NALF1: variants seen among roughly 807,000 people sequenced by gnomAD.
The protein encoded by NALF1 is NALCN channel auxiliary factor 1, also known as family with sequence similarity 155 member A.
NALF1 carries 3 observed loss-of-function variants against 48.4 expected under a neutral mutation model. The ratio of observed to expected loss-of-function variants is 0.06; its 90% CI spans 0.03 to 0.16. The LOEUF (loss-of-function observed/expected upper bound fraction) is 0.16. Ranked by LOEUF, NALF1 falls within the 10% of genes least tolerant of loss-of-function variation. The pLI is 1.00. For synonymous variants in NALF1, 262 were observed against 245.7 expected (o/e 1.07, Z -0.62); for missense variants, 526 against 571.5 (o/e 0.92, Z 0.81).
chr13:107,479,540 A>C (rs1885222171), intron 1 of NALF1, among the ~76,000 whole-genome samples: 1 of 152,130 alleles, frequency 6.6e-6, no homozygotes, highest in South Asian at 2.1e-4. Flanking sequence ...ATCCACCTTC[A>C]TAATTGTGAC....
At chr13:107,626,992 C>A (rs1879691323) in intron 1 of NALF1, among the ~76,000 whole-genome samples, 1 of 152,080 alleles carries the variant, frequency 6.6e-6, no homozygotes, top group Non-Finnish European at 1.5e-5. Context: ...CAAAGTGGCA[C>A]ATTGTTCCTC....
At chr13:107,749,969 G>A (rs981381588) in intron 1 of NALF1, among the ~76,000 whole-genome samples, 1 of 152,020 alleles carries the variant, frequency 6.6e-6, no homozygotes, top group African/African-American at 2.4e-5. Flanking sequence ...ACAGGCGTAC[G>A]CGACAGTGCC....
chr13:107,208,985 C>T (rs911316816), intron 2 of NALF1, among the ~76,000 whole-genome samples: 1 of 152,208 alleles, frequency 6.6e-6, no homozygotes. Flanking sequence ...CTGCATTTCA[C>T]TTTCTCGTGT....
rs76521903 is a variant in NALF1, at chr13:107,502,496, T to G, written c.916-291741A>C. On this transcript the variant is annotated intron_variant, in intron 1 of 2. Transcript: ENST00000375915. ...CAAGTGAGAGCTATGATGGCCTTGA[T>G]GAGAATATACCTCCATGGAAACCAC... 8.2e-3 allele frequency among the ~76,000 whole-genome samples: 1,247 copies of G among 152,312 alleles called. 56 individuals are homozygous for G. In the East Asian group the frequency reaches 0.1, roughly 13 times the overall value.
chr13:107,208,254 A>AG (rs1368711512), intron 2 of NALF1, among the ~76,000 whole-genome samples: 1 of 152,126 alleles, frequency 6.6e-6, no homozygotes, highest in Non-Finnish European at 1.5e-5. Context: ...AGATTATCCT[A>AG]GGGGGCCTCT....
intron 1 of NALF1, among the ~76,000 whole-genome samples, chr13:107,494,847 A>C (rs55691328): frequency 0.26 from 39,820 of 152,122 alleles, 5,991 homozygotes; most frequent in Non-Finnish European, 0.33. Context: ...GAACAAGTAA[A>C]CAAAACAGAG....
intron 1 of NALF1, among the ~76,000 whole-genome samples, chr13:107,592,212 T>C (rs1878618476): frequency 6.6e-6 from 1 of 151,936 alleles, no homozygotes; most frequent in South Asian, 2.1e-4. Context: ...ACTTTTAATC[T>C]ACCTCAAAAT....
chr13:107,794,223 A>G (rs1041355975), intron 1 of NALF1, among the ~76,000 whole-genome samples: 1 of 152,198 alleles, frequency 6.6e-6, no homozygotes, highest in Non-Finnish European at 1.5e-5. Flanking sequence ...GAACAAGAAC[A>G]GCTGCCTGCC....
At chr13:107,724,391 TTA>T (rs985155246) in intron 1 of NALF1, among the ~76,000 whole-genome samples, 4 of 152,252 alleles carry the variant, frequency 2.6e-5, no homozygotes, top group Non-Finnish European at 5.9e-5. Flanking sequence ...ATCCTGATTT[TTA>T]TCTTATTTCT....
At chr13:107,544,039 A>G (rs367861995) in intron 1 of NALF1, among the ~76,000 whole-genome samples, 8 of 152,282 alleles carry the variant, frequency 5.3e-5, no homozygotes, top group Admixed American at 2.6e-4. Flanking sequence ...CAACAATCTA[A>G]AAGTCAAAAC....
At position 107,791,695 on chromosome 13, in the gene NALF1, C is replaced by CA. The variant is rs201052693; in HGVS notation, c.915+73986dup. Reference sequence around the variant, plus strand: ...CCTTACATTTGAAGCACATGAAACACAGACTCACACTTTGGGAGGGTGAGG... The same window carrying CA: ...CCTTACATTTGAAGCACATGAAACACAAGACTCACACTTTGGGAGGGTGAGG... On this transcript the variant is annotated intron_variant, in intron 1 of 2. Coordinates refer to ENST00000375915, the MANE Select transcript of NALF1 (RefSeq NM_001080396.3). Among the ~76,000 whole-genome samples, 650 of 152,166 alleles carry CA rather than the reference C, an allele frequency of 4.3e-3. 8 individuals are homozygous for CA. Among genetic ancestry groups the CA allele is most frequent in the Middle Eastern group, 6.8e-3 (2 of 294 alleles).
chr13:107,779,690 G>T (rs895599427), intron 1 of NALF1, among the ~76,000 whole-genome samples: 6 of 151,886 alleles, frequency 4.0e-5, no homozygotes, highest in African/African-American at 1.5e-4. Flanking sequence ...CATACATTAA[G>T]CTGAGATCTC....
chr13:107,509,688 T>A (rs1875816757), intron 1 of NALF1, among the ~76,000 whole-genome samples: 1 of 152,150 alleles, frequency 6.6e-6, no homozygotes, highest in African/African-American at 2.4e-5. Context: ...CAGCAACAAG[T>A]TATTAGCCAT....
intron 1 of NALF1, among the ~76,000 whole-genome samples, chr13:107,576,487 C>T (rs1418783700): frequency 6.6e-6 from 1 of 152,168 alleles, no homozygotes; most frequent in Non-Finnish European, 1.5e-5. Flanking sequence ...ATAAATCATG[C>T]TATCTTCTCA....
chr13:107,612,906 C>T (rs1322715970), intron 1 of NALF1, among the ~76,000 whole-genome samples: 1 of 151,900 alleles, frequency 6.6e-6, no homozygotes, highest in East Asian at 1.9e-4. Context: ...GGACATACAC[C>T]TCTATTCACA....
intron 2 of NALF1, among the ~76,000 whole-genome samples, chr13:107,194,052 CTAT>C (rs1566446893): frequency 9.9e-5 from 8 of 80,484 alleles, no homozygotes; most frequent in African/African-American, 3.3e-4. Context: ...ATCTATCTAT[CTAT>C]CTATATATCA....
chr13:107,678,866 T>A (rs990338748), intron 1 of NALF1, among the ~76,000 whole-genome samples: 4 of 152,158 alleles, frequency 2.6e-5, no homozygotes, highest in South Asian at 2.1e-4. Flanking sequence ...GTCTCTCCCG[T>A]AACACGTGGG....
intron 1 of NALF1, among the ~76,000 whole-genome samples, chr13:107,595,554 T>C (rs887040497): frequency 1.3e-5 from 2 of 152,166 alleles, no homozygotes; most frequent in Admixed American, 1.3e-4. Context: ...TACTAAATAA[T>C]TGCAGTTGCA....
intron 1 of NALF1, among the ~76,000 whole-genome samples, chr13:107,306,199 G>C (rs1054929875): frequency 6.6e-6 from 1 of 152,010 alleles, no homozygotes; most frequent in Non-Finnish European, 1.5e-5. Context: ...TGAAACCAAA[G>C]AAAAGCCACC....
Sources: gnomAD v4.1 joint callset for allele counts (sites outside exome capture counted in the v4.1 genomes callset) on GRCh38, gnomAD v4.1.1 for gene constraint, MANE v1.5 for transcripts, NCBI Gene and HGNC (gene_info 2026-07-23, HGNC 2026-07-21) for gene names.